NIPBL: variants seen among roughly 807,000 people sequenced by gnomAD.
NIPBL encodes the protein NIPBL cohesin loading factor, also known as nipped-B-like protein.
In NIPBL, 19 loss-of-function variants were observed where a neutral mutation model predicts 321.8. The ratio of observed to expected loss-of-function variants is 0.06; its 90% CI spans 0.04 to 0.09. The LOEUF is 0.09. Among genes scored for constraint, NIPBL ranks in the 10% least tolerant of loss-of-function variants. The pLI is 1.00. For missense variants in NIPBL, 2,210 were observed against 3,327.0 expected, an observed-to-expected ratio of 0.66 and a Z score of 8.26; for synonymous variants, 1,106 against 1,114.1, an observed-to-expected ratio of 0.99 and a Z score of 0.14.
At chr5:36,961,632 A>G (rs112534991) in intron 5 of NIPBL, 49 bp downstream of exon 5, 66 of 1,098,470 alleles carry the variant, frequency 6.0e-5, no homozygotes, top group African/African-American at 4.6e-4. Context: ...TATGGTGAAT[A>G]TGCTGGTGAA....
chr5:36,996,681 A>G lies in NIPBL; in HGVS notation c.3304+877A>G, dbSNP rs535808491. The G allele has an allele frequency of 5.2e-5, 19 of 363,618 alleles. No individual in the cohort carries two copies. In the Admixed American group the frequency reaches 5.7e-4, roughly 11 times the overall value. 22.5% of individuals were successfully genotyped at this position (363,618 alleles called of 1,614,324 possible). On this transcript the variant is annotated intron_variant, in intron 11 of 46. Transcript: ENST00000282516. The surrounding 1 kb of genome is among the most constrained non-coding windows in gnomAD (Gnocchi z 5.0). ...TTGACTTAAACGGCATTCAGTGGAA[A>G]CAGACTATGGGAGATCTTCACTTGT...
At position 36,992,828 on chromosome 5, in the gene NIPBL, C is replaced by T. The variant is rs552965167; in HGVS notation, c.3122-2794C>T. ...CGTGATCTTGGCTCACTGCAGACTC[C>T]GCCTTCCGGGCTCATGCCATTCTCC... is the stretch of plus-strand genomic sequence containing the variant. On this transcript the variant is annotated intron_variant, in intron 10 of 46. Transcript: ENST00000282516. Among the ~76,000 whole-genome samples, 13 of 151,772 alleles carry T rather than the reference C, an allele frequency of 8.6e-5. No individual in the cohort carries two copies. The East Asian group carries it at 1.9e-3, about 23-fold the overall frequency.
intron 1 of NIPBL, among the ~76,000 whole-genome samples, chr5:36,912,956 A>G (rs1353442080): frequency 6.6e-6 from 1 of 152,168 alleles, no homozygotes; most frequent in African/African-American, 2.4e-5. Context: ...AAGCAATCCT[A>G]GTTGAGGAAC....
intron 1 of NIPBL, among the ~76,000 whole-genome samples, chr5:36,894,012 A>G (rs1277816625): frequency 6.6e-6 from 1 of 152,200 alleles, no homozygotes; most frequent in Non-Finnish European, 1.5e-5. Flanking sequence ...CAAAAGTCAA[A>G]TTGAATCTTG....
chr5:36,985,570 G>A lies in NIPBL; in HGVS notation c.2390G>A (p.Arg797Gln), dbSNP rs758488035. 6.2e-6 allele frequency: 10 copies of A among 1,613,684 alleles called. No homozygotes were observed. Among genetic ancestry groups the A allele is most frequent in the South Asian group, 3.3e-5 (3 of 91,070 alleles). Residue 797 changes from arginine to glutamine, a missense_variant, in exon 10 of 47, where the codon CGA becomes CAA. This residue lies in a region of NIPBL where 588 missense variants were observed against 564.1 expected (regional missense o/e 1.04). Coordinates refer to ENST00000282516, the MANE Select transcript of NIPBL (RefSeq NM_133433.4). ...GACTCACCTCGGTTAAAATCAGAAC[G>A]AGCTGAAGCCTTAAAGCAGAGACCT... ...KSDSPRLKSE[R>Q]AEALKQRPDG...
intron 1 of NIPBL, among the ~76,000 whole-genome samples, chr5:36,890,674 A>T (rs1021146543): frequency 6.6e-6 from 1 of 152,244 alleles, no homozygotes; most frequent in South Asian, 2.1e-4. Flanking sequence ...ACCCAAGCCC[A>T]TGTCTTCAAC....
chr5:37,037,579 T>C (rs895614735), intron 33 of NIPBL, among the ~76,000 whole-genome samples: 16 of 150,690 alleles, frequency 1.1e-4, no homozygotes, highest in Admixed American at 2.6e-4. Flanking sequence ...CAGCCGTCCA[T>C]TTATGGCACC....
chr5:36,933,661 G>A (rs1349383590), intron 1 of NIPBL, among the ~76,000 whole-genome samples: 2 of 151,990 alleles, frequency 1.3e-5, no homozygotes, highest in Non-Finnish European at 1.5e-5. Context: ...AGATTTTTCT[G>A]TATGGTTTCA....
chr5:36,971,717 A>G (rs1343697209), intron 7 of NIPBL: 2 of 645,492 alleles, frequency 3.1e-6, no homozygotes, highest in Non-Finnish European at 3.8e-6. Flanking sequence ...CATACTAGTA[A>G]TACAAATTTT....
chr5:37,030,274 C>T (rs1750832303), intron 32 of NIPBL, among the ~76,000 whole-genome samples: 1 of 152,096 alleles, frequency 6.6e-6, no homozygotes, highest in African/African-American at 2.4e-5. Flanking sequence ...TCTATGCTTT[C>T]CTACTTTAGT....
intron 40 of NIPBL, among the ~76,000 whole-genome samples, chr5:37,049,521 A>G (rs755302259): frequency 2.0e-5 from 3 of 152,184 alleles, no homozygotes; most frequent in Admixed American, 6.5e-5. Context: ...TGTAATTTCT[A>G]TTGGCAGAAC....
At chr5:37,000,177 A>T (rs530455627) in intron 11 of NIPBL, among the ~76,000 whole-genome samples, 196 bp from the exon 12 acceptor site, 1 of 152,256 alleles carries the variant, frequency 6.6e-6, no homozygotes, top group East Asian at 1.9e-4. Flanking sequence ...AAGATCTTTA[A>T]ATCTGGGTAG....
chr5:36,981,401 G>T (rs571765455), intron 9 of NIPBL, among the ~76,000 whole-genome samples: 1 of 151,508 alleles, frequency 6.6e-6, no homozygotes, highest in African/African-American at 2.4e-5. Context: ...CCCTTGTTCC[G>T]CAGAAGAAAG....
At chr5:36,882,351 C>T (rs1396130949) in intron 1 of NIPBL, among the ~76,000 whole-genome samples, 1 of 151,496 alleles carries the variant, frequency 6.6e-6, no homozygotes, top group African/African-American at 2.4e-5. Flanking sequence ...AGAAACTGTG[C>T]GAGGGAAAAG....
chr5:37,019,704 C>T (rs147075330), intron 25 of NIPBL, among the ~76,000 whole-genome samples: 4 of 151,782 alleles, frequency 2.6e-5, no homozygotes, highest in African/African-American at 9.7e-5. Context: ...GAGTATGGGC[C>T]GAGTGGTACA....
intron 1 of NIPBL, among the ~76,000 whole-genome samples, chr5:36,906,961 A>G (rs529849608): frequency 1.4e-4 from 22 of 152,312 alleles, no homozygotes; most frequent in South Asian, 1.2e-3. Context: ...GAATTTTTCA[A>G]TGTAGTGCTG....
chr5:37,050,040 G>T (rs1753364952), intron 40 of NIPBL, among the ~76,000 whole-genome samples: 1 of 152,060 alleles, frequency 6.6e-6, no homozygotes, highest in Non-Finnish European at 1.5e-5. Context: ...CATGACTCCG[G>T]GCTATTATCA....
intron 10 of NIPBL, among the ~76,000 whole-genome samples, chr5:36,987,380 C>A (rs1292949860): frequency 6.6e-6 from 1 of 152,136 alleles, no homozygotes; most frequent in Non-Finnish European, 1.5e-5. Flanking sequence ...ATTGGAAGTT[C>A]ATTTCATTAG....
chr5:37,009,980 T>A, intron 20 of NIPBL, 107 bp from the exon 21 acceptor site: 1 of 865,600 alleles, frequency 1.2e-6, no homozygotes, highest in East Asian at 2.6e-5. Flanking sequence ...ACTAAGATCA[T>A]GCCTAGAAAT....
Sources: allele counts gnomAD v4.1 joint callset (sites outside exome capture counted in the v4.1 genomes callset), GRCh38; gene constraint gnomAD v4.1.1; regional missense constraint gnomAD v4.1.1; non-coding constraint Gnocchi (gnomAD v3.1); transcripts MANE v1.5; gene names NCBI Gene and HGNC (gene_info 2026-07-23, HGNC 2026-07-21).